Variants in JAKMIP3 observed in about 807,000 individuals in gnomAD.
The protein encoded by JAKMIP3 is janus kinase and microtubule-interacting protein 3.
In JAKMIP3, 58 loss-of-function variants were observed where a neutral mutation model predicts 118.5. The ratio of observed to expected loss-of-function variants is 0.49; its 90% CI spans 0.40 to 0.61. JAKMIP3 has a LOEUF of 0.61. JAKMIP3 is among the 20% of genes least tolerant of loss of function. The probability of loss-of-function intolerance (pLI) is 0.00; values close to 1 mark genes in which losing one functional copy is unlikely to be tolerated. For missense variants in JAKMIP3, 950 were observed against 1,109.0 expected (o/e 0.86, Z 2.04); for synonymous variants, 486 against 451.2 (o/e 1.08, Z -0.98).
intron 3 of JAKMIP3, among the ~76,000 whole-genome samples, chr10:132,120,437 CT>C (rs2048363814): frequency 6.6e-6 from 1 of 152,248 alleles, no homozygotes; most frequent in South Asian, 2.1e-4. Context: ...TCCTCCACCC[CT>C]GACCACAGCT....
intron 1 of JAKMIP3, among the ~76,000 whole-genome samples, chr10:132,045,777 G>GA (rs1406907308): frequency 1.3e-5 from 2 of 151,738 alleles, no homozygotes; most frequent in Admixed American, 6.6e-5. Context: ...AAACATCTGG[G>GA]AAAAAAATTA....
chr10:132,039,615 A>T (rs2037652725), intron 1 of JAKMIP3, among the ~76,000 whole-genome samples: 1 of 152,192 alleles, frequency 6.6e-6, no homozygotes. Flanking sequence ...GTACAGCAGC[A>T]CATCTGTGCA....
intron 6 of JAKMIP3, 122 bp downstream of exon 6, chr10:132,136,198 C>T (rs1035410594): frequency 9.8e-7 from 1 of 1,017,560 alleles, no homozygotes; most frequent in South Asian, 1.6e-5. Context: ...AGGCCTTCTG[C>T]TGGAGTCTGG....
intron 13 of JAKMIP3, among the ~76,000 whole-genome samples, chr10:132,147,384 G>A (rs2054831944): frequency 1.3e-5 from 2 of 152,316 alleles, no homozygotes; most frequent in Admixed American, 6.5e-5. Context: ...CTTTGGAAGG[G>A]GTGGGGGACT....
At chr10:132,100,830 A>G (rs2044763237) in intron 1 of JAKMIP3, among the ~76,000 whole-genome samples, 1 of 125,892 alleles carries the variant, frequency 7.9e-6, no homozygotes, top group African/African-American at 2.8e-5. Flanking sequence ...TGCATGAGGA[A>G]CCCCTGCCGC....
chr10:132,086,059 G>C (rs2042356910), intron 1 of JAKMIP3, among the ~76,000 whole-genome samples: 1 of 151,988 alleles, frequency 6.6e-6, no homozygotes, highest in Non-Finnish European at 1.5e-5. Context: ...GGTTTTTATA[G>C]ATCACTGTTG....
At chr10:132,171,848 G>A (rs1044182879) in intron 23 of JAKMIP3, among the ~76,000 whole-genome samples, 1 of 151,976 alleles carries the variant, frequency 6.6e-6, no homozygotes, top group Non-Finnish European at 1.5e-5. Context: ...AGAGACGGGG[G>A]TTTCACCATG....
At chr10:132,172,441 C>T (rs912621734) in intron 23 of JAKMIP3, among the ~76,000 whole-genome samples, 8 of 152,056 alleles carry the variant, frequency 5.3e-5, no homozygotes, top group Admixed American at 3.9e-4. Flanking sequence ...TCTCTGTGAA[C>T]GTTGCCCCGA....
intron 1 of JAKMIP3, among the ~76,000 whole-genome samples, chr10:132,102,071 G>A (rs762137934): frequency 6.6e-6 from 1 of 152,118 alleles, no homozygotes; most frequent in Non-Finnish European, 1.5e-5. Context: ...GTTATCAAGA[G>A]ACAGCAAAGC....
chr10:132,149,272 C>T (rs1334003165), intron 14 of JAKMIP3, 140 bp from the exon 15 acceptor site: 16 of 607,006 alleles, frequency 2.6e-5, no homozygotes, highest in South Asian at 1.4e-4. Context: ...CCACTGCTGC[C>T]GCTGCGGTTT....
In JAKMIP3 at chr10:132,168,743, C is replaced by T. The variant is rs1214925977; in HGVS notation, c.*813C>T. ...GGGAGCGTGGTGACAGGAGGTGGGA[C>T]GAGGGGGCGGAGCTGGCTGGAACAC... On this transcript the variant is annotated 3_prime_UTR_variant, in exon 23 of 24. Coordinates refer to ENST00000684848, the MANE Select transcript of JAKMIP3 (RefSeq NM_001323087.2). The T allele has an allele frequency of 5.5e-5, 14 of 255,076 alleles. No individual in the cohort carries two copies. Among genetic ancestry groups the T allele is most frequent in the Admixed American group, 2.6e-4 (5 of 19,158 alleles). The allele number at this position is 255,076 out of a possible 1,614,324, so 15.8% of individuals were successfully genotyped here.
intron 1 of JAKMIP3, among the ~76,000 whole-genome samples, chr10:132,091,926 T>C (rs1188482605): frequency 6.6e-6 from 1 of 152,240 alleles, no homozygotes; most frequent in Non-Finnish European, 1.5e-5. Context: ...TTCCTTTCCA[T>C]GTTTAGTGTT....
chr10:132,100,654 G>A (rs891481078), intron 1 of JAKMIP3, among the ~76,000 whole-genome samples: 2 of 152,200 alleles, frequency 1.3e-5, no homozygotes, highest in Non-Finnish European at 2.9e-5. Context: ...AACAGCAGCA[G>A]TGTCCTTGTG....
Position 132,117,606 on chromosome 10 carries a change from AGG to A in JAKMIP3, c.633+34_633+35del. 1 of 423,888 alleles carries A rather than the reference AGG, an allele frequency of 2.4e-6. No homozygotes were observed. The allele number at this position is 423,888 out of a possible 1,614,324, so 26.3% of individuals were successfully genotyped here. ...GGGCAGGCAGGGGCGGGCGTGGGCG[AGG>A]GTGCAGGGGCGGGCGTGGGCGAGGG... On this transcript the variant is annotated intron_variant, in intron 3 of 23. Coordinates refer to ENST00000684848, the MANE Select transcript of JAKMIP3 (RefSeq NM_001323087.2). This position sits in a 1 kb window ranked among gnomAD's most constrained non-coding sequence, Gnocchi z 8.6.
At chr10:132,125,465 C>T (rs2049356685) in intron 3 of JAKMIP3, among the ~76,000 whole-genome samples, 1 of 152,258 alleles carries the variant, frequency 6.6e-6, no homozygotes, top group Non-Finnish European at 1.5e-5. Context: ...CGTCTTAGTT[C>T]CGACACTCTA....
At chr10:132,177,278 C>T (rs377237961) in intron 23 of JAKMIP3, among the ~76,000 whole-genome samples, 14 of 152,260 alleles carry the variant, frequency 9.2e-5, no homozygotes, top group Non-Finnish European at 2.1e-4. Context: ...AGCTGGGCAT[C>T]GCTGTGGAGG....
At chr10:132,053,444 C>T (rs1018840366) in intron 1 of JAKMIP3, among the ~76,000 whole-genome samples, 1 of 152,232 alleles carries the variant, frequency 6.6e-6, no homozygotes, top group Non-Finnish European at 1.5e-5. Context: ...CTCATCCCCA[C>T]AAGGTGATGG....
chr10:132,085,118 TA>T (rs1465971494), intron 1 of JAKMIP3, among the ~76,000 whole-genome samples: 2 of 152,238 alleles, frequency 1.3e-5, no homozygotes, highest in Non-Finnish European at 2.9e-5. Flanking sequence ...TCTCTTTCTC[TA>T]TTTTGTGGAA....
intron 3 of JAKMIP3, among the ~76,000 whole-genome samples, chr10:132,129,428 A>G (rs1442949137): frequency 1.3e-5 from 2 of 152,192 alleles, no homozygotes; most frequent in Non-Finnish European, 2.9e-5. Flanking sequence ...GCAGTGGACC[A>G]GGGACCTGAG....
Sources: allele counts gnomAD v4.1 joint callset (sites outside exome capture counted in the v4.1 genomes callset), GRCh38; gene constraint gnomAD v4.1.1; non-coding constraint Gnocchi (gnomAD v3.1); transcripts MANE v1.5; gene names NCBI Gene and HGNC (gene_info 2026-07-23, HGNC 2026-07-21).